The following MIR2052HG variants were observed in gnomAD, a reference collection of about 807,000 sequenced individuals.
MIR2052HG encodes the protein MIR2052 host gene.
intron 2 of MIR2052HG, among the ~76,000 whole-genome samples, chr8:74,626,753 C>T (rs1808441854): frequency 6.6e-6 from 1 of 152,044 alleles, no homozygotes; most frequent in African/African-American, 2.4e-5. Flanking sequence ...GGTGAAAGTC[C>T]CCATCGTTTC....
At chr8:74,635,395 A>C (rs772905480) in intron 2 of MIR2052HG, among the ~76,000 whole-genome samples, 13 of 152,152 alleles carry the variant, frequency 8.5e-5, no homozygotes, top group Non-Finnish European at 1.9e-4. Flanking sequence ...GGCCCAATGG[A>C]GATGTCATTT....
At chr8:74,642,225 A>T (rs1324616102) in intron 2 of MIR2052HG, among the ~76,000 whole-genome samples, 2 of 152,086 alleles carry the variant, frequency 1.3e-5, no homozygotes, top group Non-Finnish European at 2.9e-5. Flanking sequence ...CAAATTTGTC[A>T]TGCTAGTTTT....
rs200628359 is a variant in MIR2052HG, at chr8:74,699,468, A to G, written n.217-2911A>G. Among the ~76,000 whole-genome samples, 1,166 of 151,846 alleles carry G rather than the reference A, an allele frequency of 7.7e-3. 5 individuals carry two copies. The highest frequency in any genetic ancestry group is 0.021 in the East Asian group (110 of 5,162). On this transcript the variant is annotated intron_variant and non_coding_transcript_variant, in intron 2 of 6. Coordinates refer to ENST00000523442, the Ensembl canonical transcript of MIR2052HG. ...GGAATCATACTCAGTCATAAAAAGG[A>G]ACAAAATAATGGCATTCGCAGCAAC...
At chr8:74,607,765 A>C (rs954540268) in intron 1 of MIR2052HG, among the ~76,000 whole-genome samples, 21 of 152,356 alleles carry the variant, frequency 1.4e-4, no homozygotes, top group Non-Finnish European at 2.1e-4. Flanking sequence ...AGTTCAATTA[A>C]TAAGAGCAAA....
At chr8:74,604,147 C>T (rs1586884661) in intron 1 of MIR2052HG, 2 of 889,556 alleles carry the variant, frequency 2.2e-6, no homozygotes, top group African/African-American at 3.3e-5. Context: ...AACTGATTCT[C>T]CTTTCTTTCC....
chr8:74,697,976 G>A (rs1047202276), intron 2 of MIR2052HG, among the ~76,000 whole-genome samples: 4 of 152,002 alleles, frequency 2.6e-5, no homozygotes, highest in African/African-American at 4.8e-5. Flanking sequence ...AAAATACCAC[G>A]ATCATTCTTC....
At chr8:74,672,794 CTGA>C (rs1809007246) in intron 2 of MIR2052HG, among the ~76,000 whole-genome samples, 1 of 152,028 alleles carries the variant, frequency 6.6e-6, no homozygotes, top group South Asian at 2.1e-4. Flanking sequence ...CTGAATTCTG[CTGA>C]TATTATCTGC....
chr8:74,751,327 A>C (rs1434184957), intron 4 of MIR2052HG, among the ~76,000 whole-genome samples: 1 of 152,200 alleles, frequency 6.6e-6, no homozygotes, highest in East Asian at 1.9e-4. Flanking sequence ...TAGCGTTGCT[A>C]TGCTGCCTAG....
At chr8:74,700,164 G>A (rs972275888) in intron 2 of MIR2052HG, among the ~76,000 whole-genome samples, 3 of 152,168 alleles carry the variant, frequency 2.0e-5, no homozygotes, top group African/African-American at 7.2e-5. Flanking sequence ...AGACAATGGT[G>A]GAGCTTAATG....
At chr8:74,619,066 T>A (rs563218269) in intron 2 of MIR2052HG, among the ~76,000 whole-genome samples, 2 of 152,264 alleles carry the variant, frequency 1.3e-5, no homozygotes, top group Non-Finnish European at 2.9e-5. Context: ...TAAATTTTTT[T>A]AAAAAGCTGA....
At chr8:74,645,338 T>G (rs1015173349) in intron 2 of MIR2052HG, among the ~76,000 whole-genome samples, 3 of 151,392 alleles carry the variant, frequency 2.0e-5, no homozygotes, top group Admixed American at 1.3e-4. Flanking sequence ...TAGGCTGGAG[T>G]GCAATGGCAC....
At chr8:74,610,472 T>C (rs1808179039) in intron 1 of MIR2052HG, among the ~76,000 whole-genome samples, 1 of 151,908 alleles carries the variant, frequency 6.6e-6, no homozygotes, top group Admixed American at 6.6e-5. Flanking sequence ...CAGCAGTCCT[T>C]TTCTTTTTAA....
Position 74,631,281 on chromosome 8 carries a change from T to A in MIR2052HG, n.216+18341T>A, listed in dbSNP as rs117757289. Among the ~76,000 whole-genome samples the A allele has an allele frequency of 5.8e-3, 891 of 152,326 alleles. 6 individuals carry two copies. Among genetic ancestry groups the A allele is most frequent in the Non-Finnish European group, 9.8e-3 (669 of 68,022 alleles). ...GTAGGAGGGAAATTAAATATACATC[T>A]GCATCTTTTCCAACAACAAATCTTA... On this transcript the variant is annotated intron_variant and non_coding_transcript_variant, in intron 2 of 6. Coordinates refer to ENST00000523442, the Ensembl canonical transcript of MIR2052HG.
intron 2 of MIR2052HG, among the ~76,000 whole-genome samples, chr8:74,668,514 T>C (rs1337297988): frequency 6.6e-6 from 1 of 152,210 alleles, no homozygotes; most frequent in Non-Finnish European, 1.5e-5. Context: ...AGATATCATC[T>C]GTGACTTTTG....
At chr8:74,710,669 C>T in intron 4 of MIR2052HG, among the ~76,000 whole-genome samples, 1 of 152,088 alleles carries the variant, frequency 6.6e-6, no homozygotes. Flanking sequence ...TGAAGTTTTA[C>T]ATAGTGGAGA....
At chr8:74,613,037 G>A (rs992664437) in intron 2 of MIR2052HG, 47 of 406,604 alleles carry the variant, frequency 1.2e-4, no homozygotes, top group Non-Finnish European at 1.5e-4. Context: ...CCTCACTAAA[G>A]GGAGAAAAGG....
intron 4 of MIR2052HG, among the ~76,000 whole-genome samples, chr8:74,710,929 G>A (rs1041869885): frequency 6.6e-6 from 1 of 152,142 alleles, no homozygotes; most frequent in East Asian, 1.9e-4. Flanking sequence ...TCTCTGATGT[G>A]AGCAAACTGT....
chr8:74,604,412 G>A (rs2128730506), intron 1 of MIR2052HG, among the ~76,000 whole-genome samples: 1 of 135,668 alleles, frequency 7.4e-6, no homozygotes, highest in Admixed American at 7.4e-5. Flanking sequence ...CAGGCGGGAA[G>A]GTGAGGGGGG....
At chr8:74,749,893 A>C (rs1338895023) in intron 4 of MIR2052HG, among the ~76,000 whole-genome samples, 2 of 151,454 alleles carry the variant, frequency 1.3e-5, no homozygotes, top group Non-Finnish European at 2.9e-5. Context: ...TTGGAGTAGC[A>C]CTTTGACATA....
Sources: allele counts gnomAD v4.1 joint callset (sites outside exome capture counted in the v4.1 genomes callset), GRCh38; gene constraint gnomAD v4.1.1; transcripts MANE v1.5; gene names NCBI Gene and HGNC (gene_info 2026-07-23, HGNC 2026-07-21).